ATP2C2: variants seen among roughly 807,000 people sequenced by gnomAD.
ATP2C2 encodes the protein ATPase secretory pathway Ca2+ transporting 2, also known as calcium-transporting ATPase type 2C member 2.
In ATP2C2, 171 loss-of-function variants were observed where a neutral mutation model predicts 110.8. That is an observed-to-expected ratio of 1.54 (90% CI 1.36 to 1.75). The LOEUF (loss-of-function observed/expected upper bound fraction) is 1.75. ATP2C2 is among the 40% of genes most tolerant of loss of function. ATP2C2 has a pLI of 0.00. For synonymous variants in ATP2C2, 804 were observed against 508.4 expected, an observed-to-expected ratio of 1.58 and a Z score of -7.82; for missense variants, 1,963 against 1,235.0, an observed-to-expected ratio of 1.59 and a Z score of -8.84.
At chr16:84,406,589 G>C (rs749530348) in intron 3 of ATP2C2, 4 of 985,600 alleles carry the variant, frequency 4.1e-6, no homozygotes, top group Non-Finnish European at 2.4e-6. Flanking sequence ...TCAAGGCTCA[G>C]TTCTCAGTGT....
At chr16:84,442,313 T>C (rs1463697981) in intron 14 of ATP2C2, among the ~76,000 whole-genome samples, 197 bp from the exon 15 acceptor site, 1 of 152,160 alleles carries the variant, frequency 6.6e-6, no homozygotes, top group Non-Finnish European at 1.5e-5. Flanking sequence ...TCCCTCATGA[T>C]AACTTTATGG....
At chr16:84,435,191 C>G (rs1908629790) in intron 11 of ATP2C2, among the ~76,000 whole-genome samples, 1 of 152,222 alleles carries the variant, frequency 6.6e-6, no homozygotes, top group Admixed American at 6.5e-5. Context: ...GATGTACATT[C>G]TTTTTCACAT....
chr16:84,452,548 G>C (rs1171104242), intron 18 of ATP2C2, among the ~76,000 whole-genome samples: 1 of 148,166 alleles, frequency 6.7e-6, no homozygotes, highest in Non-Finnish European at 1.5e-5. Flanking sequence ...GCCTGGGCTG[G>C]AGTGCAGTAG....
Position 84,422,386 on chromosome 16 carries a change from C to T in ATP2C2, c.625-4C>T. On this transcript the variant is annotated splice_polypyrimidine_tract_variant and splice_region_variant and intron_variant, in intron 7 of 26. Coordinates refer to ENST00000262429, the MANE Select transcript of ATP2C2 (RefSeq NM_014861.4). The stretch of plus-strand genomic sequence containing the variant: ...TCCACAGCCTTTTCCCCTTGCTCTC[C>T]TAGGTCACGGACCTCTTGGTGGATG... 1 of 1,613,166 alleles carries T rather than the reference C, an allele frequency of 6.2e-7. No individual in the cohort carries two copies. Among genetic ancestry groups the T allele is most frequent in the Non-Finnish European group, 8.5e-7 (1 of 1,179,632 alleles).
At chr16:84,414,351 C>T (rs1906647331) in intron 6 of ATP2C2, among the ~76,000 whole-genome samples, 1 of 152,226 alleles carries the variant, frequency 6.6e-6, no homozygotes, top group African/African-American at 2.4e-5. Context: ...TACCCTGCCA[C>T]CTTGTGCCCA....
At chr16:84,402,624 G>A (rs1445996215) in intron 2 of ATP2C2, among the ~76,000 whole-genome samples, 1 of 152,070 alleles carries the variant, frequency 6.6e-6, no homozygotes, top group Non-Finnish European at 1.5e-5. Context: ...AACCATCCTT[G>A]CACCCTTGGG....
At chr16:84,460,857 G>C (rs1911253357) in intron 24 of ATP2C2, 56 bp downstream of exon 24, 16 of 1,547,484 alleles carry the variant, frequency 1.0e-5, no homozygotes, top group Non-Finnish European at 1.4e-5. Context: ...GCAGACGCTG[G>C]GGACTGCAGT....
chr16:84,376,359 C>A (rs1233570480), intron 1 of ATP2C2, among the ~76,000 whole-genome samples: 2 of 152,116 alleles, frequency 1.3e-5, no homozygotes, highest in Non-Finnish European at 2.9e-5. Context: ...GTGATCTCTC[C>A]CTCGAGTGTC....
At chr16:84,385,251 G>A (rs1452427821) in intron 1 of ATP2C2, among the ~76,000 whole-genome samples, 2 of 152,206 alleles carry the variant, frequency 1.3e-5, no homozygotes, top group East Asian at 1.9e-4. Context: ...AAGAGAGAGA[G>A]CAGGGGACGG....
At chr16:84,408,350 C>T in intron 3 of ATP2C2, 55 bp from the exon 4 acceptor site, 1 of 1,532,190 alleles carries the variant, frequency 6.5e-7, no homozygotes, top group South Asian at 1.1e-5. Flanking sequence ...AGTAAGAAAC[C>T]CATTCTGGTC....
chr16:84,379,691 T>A (rs1567684046), intron 1 of ATP2C2, among the ~76,000 whole-genome samples: 1 of 152,242 alleles, frequency 6.6e-6, no homozygotes, highest in Non-Finnish European at 1.5e-5. Flanking sequence ...TTAGCTTCTC[T>A]GCGTGTCTCA....
At chr16:84,375,289 C>A (rs1447207247) in intron 1 of ATP2C2, among the ~76,000 whole-genome samples, 1 of 152,142 alleles carries the variant, frequency 6.6e-6, no homozygotes, top group Non-Finnish European at 1.5e-5. Context: ...CGCCTGTAAT[C>A]CCAGCACTTT....
chr16:84,432,237 T>C (rs1484764584), intron 11 of ATP2C2, among the ~76,000 whole-genome samples: 1 of 152,192 alleles, frequency 6.6e-6, no homozygotes, highest in African/African-American at 2.4e-5. Context: ...CTGTACCCAA[T>C]GTGTTGAGAC....
In ATP2C2 at chr16:84,405,217, A is replaced by G; in HGVS notation, c.300A>G (p.Glu100=). 1 of 1,612,238 alleles carries G rather than the reference A, an allele frequency of 6.2e-7. No homozygotes were observed. The highest frequency in any genetic ancestry group is 8.5e-7 in the Non-Finnish European group (1 of 1,179,318). The change falls in exon 3 of 27, where the codon GAA becomes GAG. Residue 100 remains glutamate (E), a synonymous_variant. Transcript: ENST00000262429. ...ATGAGTTTGTTGCTGACAACAGCGA[A>G]CCTGTGTGGAAGAAATACCTGGATC... ...GWNEFVADNS[E]PVWKKYLDQF...
chr16:84,419,287 T>G (rs574237963), intron 7 of ATP2C2, among the ~76,000 whole-genome samples: 1 of 150,610 alleles, frequency 6.6e-6, no homozygotes, highest in Non-Finnish European at 1.5e-5. Context: ...AGAAGCTGTT[T>G]CCTGGCCTTT....
Position 84,460,803 on chromosome 16 carries a change from T to G in ATP2C2, c.2481+2T>G. 1 of 1,609,860 alleles carries G rather than the reference T, an allele frequency of 6.2e-7. No individual in the cohort carries two copies. The highest frequency in any genetic ancestry group is 8.5e-7 in the Non-Finnish European group (1 of 1,177,128). Reference sequence around the variant, plus strand: ...ACCCTCTTTATCTTCTGGAAGGAGGTGAGCGAGGGTCACCCCGGCCTGTTC... The same window carrying G: ...ACCCTCTTTATCTTCTGGAAGGAGGGGAGCGAGGGTCACCCCGGCCTGTTC... On this transcript the variant is annotated splice_donor_variant, in intron 24 of 26. Transcript: ENST00000262429. LOFTEE classifies it high-confidence loss of function.
At chr16:84,374,141 G>C (rs576622186) in intron 1 of ATP2C2, among the ~76,000 whole-genome samples, 1 of 152,358 alleles carries the variant, frequency 6.6e-6, no homozygotes, top group South Asian at 2.1e-4. Context: ...CATTGACGGT[G>C]CCAGCTGCTA....
At chr16:84,371,176 T>A (rs1213973608) in intron 1 of ATP2C2, among the ~76,000 whole-genome samples, 3 of 152,076 alleles carry the variant, frequency 2.0e-5, no homozygotes, top group Non-Finnish European at 4.4e-5. Flanking sequence ...GACGACCCCA[T>A]GTTAGAAGCA....
chr16:84,374,561 T>A (rs1910145027), intron 1 of ATP2C2, among the ~76,000 whole-genome samples: 3 of 151,966 alleles, frequency 2.0e-5, no homozygotes, highest in Admixed American at 1.3e-4. Flanking sequence ...TGTCACAAGC[T>A]TTTTTTTAAT....
Sources: allele counts gnomAD v4.1 joint callset (sites outside exome capture counted in the v4.1 genomes callset), GRCh38; gene constraint gnomAD v4.1.1; transcripts MANE v1.5; gene names NCBI Gene and HGNC (gene_info 2026-07-23, HGNC 2026-07-21).